Variants in CNTNAP2 observed in about 807,000 individuals in gnomAD.
CNTNAP2 encodes contactin associated protein 2.
A neutral mutation model predicts 155.2 loss-of-function variants in CNTNAP2; 98 were observed. The observed-to-expected ratio is 0.63, with a 90% CI of 0.54 to 0.75. The LOEUF is 0.75. CNTNAP2 is among the 30% of genes least tolerant of loss of function. The pLI is 0.00. For synonymous variants in CNTNAP2, 651 were observed against 631.2 expected, an observed-to-expected ratio of 1.03 and a Z score of -0.47; for missense variants, 1,727 against 1,688.1, an observed-to-expected ratio of 1.02 and a Z score of -0.40.
intron 9 of CNTNAP2, among the ~76,000 whole-genome samples, chr7:147,381,234 A>T (rs1490483019): frequency 1.3e-5 from 2 of 152,176 alleles, no homozygotes; most frequent in Non-Finnish European, 2.9e-5. Flanking sequence ...AAATGAAAAC[A>T]CTGGCGTTAA....
chr7:147,276,770 C>T (rs979023513), intron 8 of CNTNAP2, among the ~76,000 whole-genome samples: 13 of 151,934 alleles, frequency 8.6e-5, no homozygotes, highest in African/African-American at 2.4e-4. Context: ...TACTAGCACA[C>T]TTTCATATAT....
chr7:146,917,520 A>G (rs148934998), intron 3 of CNTNAP2, among the ~76,000 whole-genome samples: 4 of 152,046 alleles, frequency 2.6e-5, no homozygotes, highest in Admixed American at 1.3e-4. Context: ...TAGGATTATG[A>G]TATTTTCCTG....
At chr7:148,139,215 AT>A (rs1222716530) in intron 16 of CNTNAP2, among the ~76,000 whole-genome samples, 1 of 152,126 alleles carries the variant, frequency 6.6e-6, no homozygotes, top group East Asian at 1.9e-4. Flanking sequence ...CTTCAAATAA[AT>A]TTTTCTTGCC....
intron 9 of CNTNAP2, among the ~76,000 whole-genome samples, chr7:147,316,765 C>G (rs1795241166): frequency 6.6e-6 from 1 of 151,972 alleles, no homozygotes; most frequent in East Asian, 1.9e-4. Context: ...TAGAAAATGC[C>G]TAAATGAGCA....
chr7:147,786,877 G>C (rs1415732612), intron 13 of CNTNAP2, among the ~76,000 whole-genome samples: 1 of 152,100 alleles, frequency 6.6e-6, no homozygotes, highest in Non-Finnish European at 1.5e-5. Context: ...ACTGAGGTGG[G>C]AGGATATGTG....
At chr7:147,436,583 A>T (rs1485502964) in intron 10 of CNTNAP2, among the ~76,000 whole-genome samples, 1 of 152,174 alleles carries the variant, frequency 6.6e-6, no homozygotes, top group Non-Finnish European at 1.5e-5. Flanking sequence ...TAGGCAAGAG[A>T]GGCTTTATTC....
intron 8 of CNTNAP2, among the ~76,000 whole-genome samples, chr7:147,152,931 G>T (rs537630120): frequency 2.0e-5 from 3 of 152,068 alleles, no homozygotes; most frequent in Non-Finnish European, 2.9e-5. Context: ...GTTCATTCCT[G>T]AGCTTTTTCC....
intron 1 of CNTNAP2, among the ~76,000 whole-genome samples, chr7:146,665,008 G>A (rs1467976227): frequency 2.0e-5 from 3 of 152,110 alleles, no homozygotes; most frequent in Non-Finnish European, 4.4e-5. Context: ...GAGTGCAGTG[G>A]TCAGATGTTG....
intron 1 of CNTNAP2, among the ~76,000 whole-genome samples, chr7:146,647,001 G>C (rs1345275708): frequency 6.6e-6 from 1 of 152,168 alleles, no homozygotes; most frequent in Non-Finnish European, 1.5e-5. Flanking sequence ...AGGCTCTGAG[G>C]CAGGGCACAA....
At chr7:146,204,236 A>G (rs1798911873) in intron 1 of CNTNAP2, among the ~76,000 whole-genome samples, 1 of 152,142 alleles carries the variant, frequency 6.6e-6, no homozygotes, top group Admixed American at 6.5e-5. Flanking sequence ...TAAATTGGAA[A>G]TTAAATATCA....
At chr7:147,636,800 TA>T (rs1430684189) in intron 12 of CNTNAP2, among the ~76,000 whole-genome samples, 1 of 152,056 alleles carries the variant, frequency 6.6e-6, no homozygotes, top group African/African-American at 2.4e-5. Context: ...GGACAGACTT[TA>T]AAAAAATAAA....
chr7:148,242,508 T>A (rs921707228), intron 20 of CNTNAP2, among the ~76,000 whole-genome samples: 1 of 152,208 alleles, frequency 6.6e-6, no homozygotes, highest in African/African-American at 2.4e-5. Context: ...GAAAATCTTG[T>A]GAAACTGGCT....
intron 13 of CNTNAP2, among the ~76,000 whole-genome samples, chr7:147,680,581 C>CT (rs952841958): frequency 1.2e-4 from 18 of 151,958 alleles, no homozygotes; most frequent in African/African-American, 4.3e-4. Flanking sequence ...TTCAGGAAAC[C>CT]TAAGCCGTTG....
At chr7:147,011,242 C>T (rs1329488211) in intron 3 of CNTNAP2, among the ~76,000 whole-genome samples, 1 of 151,536 alleles carries the variant, frequency 6.6e-6, no homozygotes, top group African/African-American at 2.4e-5. Flanking sequence ...CATGAAACCC[C>T]GTCTCTACTA....
chr7:147,268,072 C>T (rs1278330206), intron 8 of CNTNAP2, among the ~76,000 whole-genome samples: 3 of 152,126 alleles, frequency 2.0e-5, no homozygotes, highest in Admixed American at 6.5e-5. Context: ...CTGACCCATT[C>T]ACCTTAATAA....
chr7:148,051,132 A>G (rs1362889482), intron 15 of CNTNAP2, among the ~76,000 whole-genome samples: 2 of 152,214 alleles, frequency 1.3e-5, no homozygotes, highest in East Asian at 3.8e-4. Flanking sequence ...TATACACTAT[A>G]AGTTTGTGAT....
intron 21 of CNTNAP2, among the ~76,000 whole-genome samples, chr7:148,273,408 C>T (rs756125005): frequency 7.9e-5 from 12 of 152,294 alleles, no homozygotes; most frequent in South Asian, 2.1e-4. Context: ...CAATGTACAG[C>T]GATCACCACA....
At chr7:146,635,712 T>C (rs1238424125) in intron 1 of CNTNAP2, among the ~76,000 whole-genome samples, 2 of 152,078 alleles carry the variant, frequency 1.3e-5, no homozygotes, top group Admixed American at 1.3e-4. Context: ...CTGTGTTTGT[T>C]TGGTGAAGTG....
intron 1 of CNTNAP2, among the ~76,000 whole-genome samples, chr7:146,689,103 T>C (rs140367276): frequency 1.9e-4 from 29 of 152,262 alleles, no homozygotes; most frequent in Non-Finnish European, 3.8e-4. Flanking sequence ...TATGCTGTTA[T>C]ATACAGTTAT....
Sources: gnomAD v4.1 joint callset for allele counts (sites outside exome capture counted in the v4.1 genomes callset) on GRCh38, gnomAD v4.1.1 for gene constraint, MANE v1.5 for transcripts, NCBI Gene and HGNC (gene_info 2026-07-23, HGNC 2026-07-21) for gene names.